Variants in PSMA4 observed in about 807,000 individuals in gnomAD.
PSMA4 encodes the protein proteasome 20S subunit alpha 4, also known as proteasome subunit alpha type-4.
PSMA4 carries 8 observed loss-of-function variants against 37.2 expected under a neutral mutation model. That is an observed-to-expected ratio of 0.22 (90% CI 0.13 to 0.39). The LOEUF (loss-of-function observed/expected upper bound fraction) is 0.39. Ranked by LOEUF, PSMA4 falls within the 10% of genes least tolerant of loss-of-function variation. The pLI, the probability that PSMA4 is intolerant of heterozygous loss-of-function variation, is 1.00. For missense variants in PSMA4, 169 were observed against 305.1 expected, an observed-to-expected ratio of 0.55 and a Z score of 3.32; for synonymous variants, 93 against 98.8, an observed-to-expected ratio of 0.94 and a Z score of 0.35.
In PSMA4 at chr15:78,549,023, A is replaced by C; in HGVS notation, c.*79A>C. ...TACTCTTCCACACTAGGAAGGCTTT[A>C]CTTTTTTTAACTGGTGCAGTGGGAA... On this transcript the variant is annotated 3_prime_UTR_variant, in exon 9 of 9. Coordinates refer to ENST00000044462, the MANE Select transcript of PSMA4 (RefSeq NM_002789.6). 1 of 1,477,850 alleles carries C rather than the reference A, an allele frequency of 6.8e-7. No individual in the cohort carries two copies. The highest frequency in any genetic ancestry group is 2.6e-5 in the Admixed American group (1 of 38,584). 91.5% of individuals were successfully genotyped at this position (1,477,850 alleles called of 1,614,324 possible). A position where few individuals can be genotyped will look rare whatever the true frequency, so the allele number is the denominator to read the frequency against.
Position 78,549,225 on chromosome 15 carries a change from T to A in PSMA4, c.*281T>A. On this transcript the variant is annotated 3_prime_UTR_variant, in exon 9 of 9. Coordinates refer to ENST00000044462, the MANE Select transcript of PSMA4 (RefSeq NM_002789.6). ...ATAAATTCTCTGTAGCAGTAATTGT[T>A]AAATATACAAAAACTGACAGGGCGA... The A allele has an allele frequency of 3.8e-6, 1 of 261,268 alleles. No homozygotes were observed. The highest frequency in any genetic ancestry group is 6.7e-6 in the Non-Finnish European group (1 of 149,350). 16.2% of individuals were successfully genotyped at this position (261,268 alleles called of 1,614,324 possible).
intron 8 of PSMA4, among the ~76,000 whole-genome samples, chr15:78,546,957 G>T (rs1596045684): frequency 6.6e-6 from 1 of 152,012 alleles, no homozygotes; most frequent in African/African-American, 2.4e-5. Context: ...GTAGAGACGG[G>T]GTTTCACCAT....
chr15:78,542,427 C>T (rs1288072837), intron 3 of PSMA4, 56 bp from the exon 4 acceptor site: 2 of 1,564,626 alleles, frequency 1.3e-6, no homozygotes, highest in African/African-American at 2.8e-5. Context: ...TCTTTTGGGC[C>T]AGTGGTGCAG....
intron 7 of PSMA4, among the ~76,000 whole-genome samples, chr15:78,546,287 T>C (rs1184444467): frequency 6.6e-6 from 1 of 151,502 alleles, no homozygotes; most frequent in Non-Finnish European, 1.5e-5. Context: ...CTACAAAAAA[T>C]ACAAAAATTT....
At chr15:78,543,833 T>C (rs2052500756) in intron 4 of PSMA4, 1 of 193,574 alleles carries the variant, frequency 5.2e-6, no homozygotes, top group Non-Finnish European at 1.1e-5. Flanking sequence ...CCTCCCAAAG[T>C]GCTGGGATTA....
intron 6 of PSMA4, 29 bp downstream of exon 6, chr15:78,544,986 GA>G (rs1178292658): frequency 6.6e-7 from 1 of 1,508,448 alleles, no homozygotes; most frequent in Non-Finnish European, 9.1e-7. Flanking sequence ...AATTTTATTC[GA>G]AAAAGTTAAG....
intron 8 of PSMA4, 126 bp downstream of exon 8, chr15:78,546,824 G>C: frequency 9.7e-7 from 1 of 1,030,974 alleles, no homozygotes; most frequent in Non-Finnish European, 1.4e-6. Flanking sequence ...GGAGTGCAGT[G>C]GCGCAATCTC....
chr15:78,547,139 C>T (rs560885736), intron 8 of PSMA4, among the ~76,000 whole-genome samples: 1 of 152,266 alleles, frequency 6.6e-6, no homozygotes, highest in South Asian at 2.1e-4. Flanking sequence ...TGATGTTATC[C>T]CTGTCTTCTA....
chr15:78,546,554 A>G (rs373245943), intron 7 of PSMA4, 21 bp from the exon 8 acceptor site: 27 of 1,562,970 alleles, frequency 1.7e-5, no homozygotes, highest in Middle Eastern at 3.5e-4. Context: ...TTAAAATTCT[A>G]TGTTGATTCA....
chr15:78,542,914 G>A (rs1451718098), intron 4 of PSMA4, among the ~76,000 whole-genome samples: 1 of 152,208 alleles, frequency 6.6e-6, no homozygotes, highest in Non-Finnish European at 1.5e-5. Flanking sequence ...CTTCACCCAT[G>A]CAGGCTATGT....
At chr15:78,546,243 A>T (rs1472049838) in intron 7 of PSMA4, among the ~76,000 whole-genome samples, 1 of 152,152 alleles carries the variant, frequency 6.6e-6, no homozygotes, top group African/African-American at 2.4e-5. Context: ...CAGGAGTTCG[A>T]GACCAGCCTG....
Position 78,551,143 on chromosome 15 carries a change from C to T in PSMA4, c.*2199C>T, listed in dbSNP as rs2052637733. On this transcript the variant is annotated 3_prime_UTR_variant, in exon 9 of 9. Transcript: ENST00000044462. Reference sequence around the variant, plus strand: ...GGTTCCTTGCCTCCACTTCATTCCCCACAGTCAATTCTCCAGCAGCAGCCA... The same window carrying T: ...GGTTCCTTGCCTCCACTTCATTCCCTACAGTCAATTCTCCAGCAGCAGCCA... 1 of 152,228 alleles carries T rather than the reference C, an allele frequency of 6.6e-6. No homozygotes were observed. The allele number at this position is 152,228 out of a possible 1,614,324, so 9.4% of individuals were successfully genotyped here.
chr15:78,544,445 A>G lies in PSMA4; in HGVS notation c.287+178A>G, dbSNP rs75408640. 458 of 529,054 alleles carry G rather than the reference A, an allele frequency of 8.7e-4. 5 individuals are homozygous for G. Among genetic ancestry groups the G allele is most frequent in the East Asian group, 6.9e-3 (204 of 29,526 alleles). 32.8% of individuals were successfully genotyped at this position (529,054 alleles called of 1,614,324 possible). ...ATTCTCCTGCCTCAGCCTCCCAAGT[A>G]GCTGACCACCACACCGGGTTAATTT... is the stretch of plus-strand genomic sequence containing the variant. On this transcript the variant is annotated intron_variant, in intron 5 of 8. Coordinates refer to ENST00000044462, the MANE Select transcript of PSMA4 (RefSeq NM_002789.6).
chr15:78,541,795 C>A, intron 1 of PSMA4, 110 bp from the exon 2 acceptor site: 1 of 908,846 alleles, frequency 1.1e-6, no homozygotes, highest in Non-Finnish European at 1.7e-6. Flanking sequence ...TAGCATAATG[C>A]CTGACACTTA....
intron 8 of PSMA4, among the ~76,000 whole-genome samples, chr15:78,547,375 T>C (rs182460844): frequency 1.3e-5 from 2 of 152,364 alleles, no homozygotes; most frequent in East Asian, 3.9e-4. Flanking sequence ...AAAGCATACG[T>C]ATGTAGTTAT....
In PSMA4 at chr15:78,549,031, T is replaced by C; in HGVS notation, c.*87T>C. 6.8e-7 allele frequency: 1 copy of C among 1,467,430 alleles called. No homozygotes were observed. The allele number at this position is 1,467,430 out of a possible 1,614,324, so 90.9% of individuals were successfully genotyped here. On this transcript the variant is annotated 3_prime_UTR_variant, in exon 9 of 9. Transcript: ENST00000044462. ...CACACTAGGAAGGCTTTACTTTTTT[T>C]AACTGGTGCAGTGGGAAAATAGGAC...
chr15:78,541,025 C>T (rs945716461), intron 1 of PSMA4: 2 of 152,390 alleles, frequency 1.3e-5, no homozygotes, highest in African/African-American at 4.8e-5. Flanking sequence ...TTGCAATTAC[C>T]TCAACCAGTT....
At chr15:78,542,154 A>G in intron 2 of PSMA4, 23 bp from the exon 3 acceptor site, 2 of 1,610,266 alleles carry the variant, frequency 1.2e-6, no homozygotes, top group Non-Finnish European at 1.7e-6. Context: ...GGTAGGAATC[A>G]CTCATGTGTT....
chr15:78,551,548 A>G lies in PSMA4; in HGVS notation c.*2604A>G, dbSNP rs2052643627. 6.6e-6 allele frequency: 1 copy of G among 151,150 alleles called. No homozygotes were observed. Among genetic ancestry groups the G allele is most frequent in the Non-Finnish European group, 1.5e-5 (1 of 67,930 alleles). The allele number at this position is 151,150 out of a possible 1,614,324, so 9.4% of individuals were successfully genotyped here. On this transcript the variant is annotated 3_prime_UTR_variant, in exon 9 of 9. Coordinates refer to ENST00000044462, the MANE Select transcript of PSMA4 (RefSeq NM_002789.6). ...CTCACATTTTCTATTCCCTATACATACCCTGTTGAGTTTTTCTCCATAGCA... is the reference window on the plus strand; with the variant it reads ...CTCACATTTTCTATTCCCTATACATGCCCTGTTGAGTTTTTCTCCATAGCA...
Sources: gnomAD v4.1 joint callset for allele counts (sites outside exome capture counted in the v4.1 genomes callset) on GRCh38, gnomAD v4.1.1 for gene constraint, MANE v1.5 for transcripts, NCBI Gene and HGNC (gene_info 2026-07-23, HGNC 2026-07-21) for gene names.